The following FLI1 variants were observed in gnomAD, a reference collection of about 807,000 sequenced individuals.
FLI1 encodes the protein Fli-1 proto-oncogene, ETS transcription factor.
In FLI1, 13 loss-of-function variants were observed where a neutral mutation model predicts 53.1. That is an observed-to-expected ratio of 0.24 (90% CI 0.16 to 0.39). FLI1 has a LOEUF of 0.39. Ranked by LOEUF, FLI1 falls within the 10% of genes least tolerant of loss-of-function variation. The pLI, the probability that FLI1 is intolerant of heterozygous loss-of-function variation, is 1.00. For synonymous variants in FLI1, 244 were observed against 236.7 expected, an observed-to-expected ratio of 1.03 and a Z score of -0.28; for missense variants, 424 against 600.5, an observed-to-expected ratio of 0.71 and a Z score of 3.07.
chr11:128,758,235 A>G lies in FLI1; in HGVS notation c.139A>G (p.Lys47Glu). ...GAGTCCTGACTACGGGCAGCCCCACAAGATCAACCCCCTCCCACCACAGCA... is the reference window on the plus strand; with the variant it reads ...GAGTCCTGACTACGGGCAGCCCCACGAGATCAACCCCCTCCCACCACAGCA... ...SGSPDYGQPH[K>E]INPLPPQQEW... The change falls in exon 2 of 9, where the codon AAG becomes GAG. Residue 47 changes from lysine to glutamate, a missense_variant. Coordinates refer to ENST00000527786, the MANE Select transcript of FLI1 (RefSeq NM_002017.5). 6.2e-7 allele frequency: 1 copy of G among 1,613,408 alleles called. No homozygotes were observed. The highest frequency in any genetic ancestry group is 8.5e-7 in the Non-Finnish European group (1 of 1,179,666).
intron 5 of FLI1, among the ~76,000 whole-genome samples, chr11:128,786,709 A>G (rs1417314711): frequency 2.0e-5 from 3 of 152,050 alleles, no homozygotes; most frequent in African/African-American, 4.8e-5. Context: ...TTCCCAGCAC[A>G]CTCAGCTGGC....
chr11:128,705,581 G>A (rs895242152), intron 1 of FLI1, among the ~76,000 whole-genome samples: 3 of 152,110 alleles, frequency 2.0e-5, no homozygotes, highest in Non-Finnish European at 2.9e-5. Context: ...ACAAAGAAGG[G>A]AATGTTTTGC....
chr11:128,786,372 T>G (rs1942081894), intron 5 of FLI1, among the ~76,000 whole-genome samples: 1 of 152,256 alleles, frequency 6.6e-6, no homozygotes, highest in Non-Finnish European at 1.5e-5. Context: ...TTTTTTGTCA[T>G]TGTCATTGAT....
chr11:128,790,561 G>A (rs1050565530), intron 5 of FLI1, among the ~76,000 whole-genome samples: 4 of 152,108 alleles, frequency 2.6e-5, no homozygotes, highest in Admixed American at 6.5e-5. Context: ...ATTTCTTTTC[G>A]TGGGTGTGCT....
intron 2 of FLI1, among the ~76,000 whole-genome samples, chr11:128,766,163 C>T (rs889867778): frequency 6.6e-6 from 1 of 152,180 alleles, no homozygotes; most frequent in South Asian, 2.1e-4. Context: ...CCAGTGCACT[C>T]GGGCCAGAGC....
chr11:128,768,037 C>G (rs1299430661), intron 2 of FLI1, 81 bp from the exon 3 acceptor site: 1 of 1,318,178 alleles, frequency 7.6e-7, no homozygotes, highest in Non-Finnish European at 1.0e-6. Flanking sequence ...TCATCGGAGC[C>G]CTGGGCTCAT....
In FLI1 at chr11:128,805,528, G is replaced by A. The variant is rs1335865198; in HGVS notation, c.721+97G>A. 8.1e-6 allele frequency: 6 copies of A among 744,374 alleles called. No individual in the cohort carries two copies. The Admixed American group carries it at 1.7e-4, about 21-fold the overall frequency. 46.1% of individuals were successfully genotyped at this position (744,374 alleles called of 1,614,324 possible). ...AGACACAGGAGAGCAGCAAGCATTT[G>A]TTTCCCTGCTTTTTGAGTAGACATC... On this transcript the variant is annotated intron_variant, in intron 6 of 8. Coordinates refer to ENST00000527786, the MANE Select transcript of FLI1 (RefSeq NM_002017.5).
chr11:128,689,286 T>C (rs1165164331), upstream of FLI1, among the ~76,000 whole-genome samples: 1 of 152,198 alleles, frequency 6.6e-6, no homozygotes. Flanking sequence ...ACCTGCACGA[T>C]GCCCGCGGAG....
Position 128,813,241 on chromosome 11 carries a change from T to C in FLI1, c.*2253T>C. On this transcript the variant is annotated 3_prime_UTR_variant, in exon 9 of 9. Coordinates refer to ENST00000527786, the MANE Select transcript of FLI1 (RefSeq NM_002017.5). ...AAATAGAACATTTTAAATGGTGATA[T>C]AAAAATAAATTGAAACTGAAATTCT... 1 of 151,086 alleles carries C rather than the reference T, an allele frequency of 6.6e-6. No individual in the cohort carries two copies. Among genetic ancestry groups the C allele is most frequent in the East Asian group, 1.5e-4 (1 of 6,816 alleles). The allele number at this position is 151,086 out of a possible 1,614,324, so 9.4% of individuals were successfully genotyped here. A position where few individuals can be genotyped will look rare whatever the true frequency, so the allele number is the denominator to read the frequency against.
At chr11:128,689,459 G>A (rs1937652271), upstream of FLI1, among the ~76,000 whole-genome samples, 1 of 152,138 alleles carries the variant, frequency 6.6e-6, no homozygotes, top group Non-Finnish European at 1.5e-5. Context: ...TGAGGATTGG[G>A]CCCAGGCTGC....
chr11:128,695,034 C>T (rs944035389), intron 1 of FLI1, among the ~76,000 whole-genome samples: 1 of 151,980 alleles, frequency 6.6e-6, no homozygotes, highest in Non-Finnish European at 1.5e-5. Flanking sequence ...TAGGCGTGCG[C>T]CGGCTCCAGG....
At chr11:128,786,504 G>A (rs1328326702) in intron 5 of FLI1, among the ~76,000 whole-genome samples, 2 of 152,170 alleles carry the variant, frequency 1.3e-5, no homozygotes, top group African/African-American at 2.4e-5. Flanking sequence ...TGTTGGTAAC[G>A]TGATTTTATA....
In FLI1 at chr11:128,762,689, G is replaced by A. The variant is rs554910107; in HGVS notation, c.230+4363G>A. Among the ~76,000 whole-genome samples the A allele has an allele frequency of 1.6e-3, 245 of 152,326 alleles. 1 individual carries two copies. The highest frequency in any genetic ancestry group is 0.01 in the Middle Eastern group (3 of 294). On this transcript the variant is annotated intron_variant, in intron 2 of 8. Transcript: ENST00000527786. ...ATTATGTAGCTCGGCCAGGTGTGGT[G>A]GCTCATGCCTGTAATCCCAGCACTT... is the stretch of plus-strand genomic sequence containing the variant.
chr11:128,761,326 C>T (rs1941112191), intron 2 of FLI1, among the ~76,000 whole-genome samples: 2 of 152,184 alleles, frequency 1.3e-5, no homozygotes, highest in Non-Finnish European at 2.9e-5. Context: ...GCCACCTGAT[C>T]GAAACCAGCG....
rs993486201 is a variant in FLI1, at chr11:128,805,677, G to A, written c.721+246G>A. ...GGTTTTAGAACATGGGAAATTTGAAGGTTTTCTTGAGACAAGGTTCTGTAC... is the reference window on the plus strand; with the variant it reads ...GGTTTTAGAACATGGGAAATTTGAAAGTTTTCTTGAGACAAGGTTCTGTAC... On this transcript the variant is annotated intron_variant, in intron 6 of 8. Transcript: ENST00000527786. 1.9e-4 allele frequency: 89 copies of A among 462,672 alleles called. No homozygotes were observed. The East Asian group carries it at 3.3e-3, about 17-fold the overall frequency. 28.7% of individuals were successfully genotyped at this position (462,672 alleles called of 1,614,324 possible). A position where few individuals can be genotyped will look rare whatever the true frequency, so the allele number is the denominator to read the frequency against.
intron 1 of FLI1, among the ~76,000 whole-genome samples, chr11:128,732,863 G>T (rs572046227): frequency 2.1e-4 from 32 of 152,318 alleles, no homozygotes; most frequent in African/African-American, 7.7e-4. Context: ...ACAATTGTTT[G>T]GGAGGTTTGT....
intron 1 of FLI1, among the ~76,000 whole-genome samples, chr11:128,739,662 A>AG (rs1195030323): frequency 1.3e-5 from 2 of 151,992 alleles, no homozygotes; most frequent in African/African-American, 2.4e-5. Flanking sequence ...TTGATTTATT[A>AG]GGGGGGAAAA....
intron 1 of FLI1, among the ~76,000 whole-genome samples, chr11:128,720,998 G>A (rs1430122191): frequency 6.6e-6 from 1 of 152,138 alleles, no homozygotes; most frequent in African/African-American, 2.4e-5. Flanking sequence ...GTCAAGTTCT[G>A]CACAGCCAGT....
intron 1 of FLI1, chr11:128,686,766 G>T: frequency 3.4e-6 from 1 of 294,516 alleles, no homozygotes; most frequent in Non-Finnish European, 6.9e-6. Context: ...CGGGCCTATG[G>T]TCCCTTTTCC....
Sources: gnomAD v4.1 joint callset for allele counts (sites outside exome capture counted in the v4.1 genomes callset) on GRCh38, gnomAD v4.1.1 for gene constraint, MANE v1.5 for transcripts, NCBI Gene and HGNC (gene_info 2026-07-23, HGNC 2026-07-21) for gene names.